The following MMP26 variants were observed in gnomAD, a reference collection of about 807,000 sequenced individuals.
MMP26 encodes the protein matrix metalloproteinase-26.
MMP26 carries 33 observed loss-of-function variants against 31.0 expected under a neutral mutation model. The ratio of observed to expected loss-of-function variants is 1.06; its 90% CI spans 0.81 to 1.42. MMP26 has a LOEUF of 1.42. Among genes scored for constraint, MMP26 ranks in the 40% most tolerant of loss-of-function variants. The probability of loss-of-function intolerance (pLI) is 0.00; values close to 1 mark genes in which losing one functional copy is unlikely to be tolerated. For missense variants in MMP26, 347 were observed against 316.1 expected, an observed-to-expected ratio of 1.10 and a Z score of -0.74; for synonymous variants, 122 against 114.9, an observed-to-expected ratio of 1.06 and a Z score of -0.40.
At chr11:4,857,596 C>T (rs192084875) in intron 2 of MMP26, among the ~76,000 whole-genome samples, 1 of 151,924 alleles carries the variant, frequency 6.6e-6, no homozygotes, top group Non-Finnish European at 1.5e-5. Context: ...GCCTACCAAC[C>T]AAAAAAAGTC....
At chr11:4,905,356 T>C (rs1850867499) in intron 2 of MMP26, among the ~76,000 whole-genome samples, 1 of 152,140 alleles carries the variant, frequency 6.6e-6, no homozygotes, top group Non-Finnish European at 1.5e-5. Flanking sequence ...TGCCAAAATG[T>C]CTCTTAGTAC....
rs191640865 is a variant in MMP26 at position 4,882,983 on chromosome 11, A to G, written c.-144-105085A>G. On this transcript the variant is annotated intron_variant, in intron 2 of 7. Coordinates refer to ENST00000380390, the MANE Select transcript of MMP26 (RefSeq NM_021801.5). ...TTGGTTGCTGAGTCAATTCCAATTG[A>G]ATTTTAGGAGTGGGAAGAAGACAGT... is the stretch of plus-strand genomic sequence containing the variant. 6.9e-6 allele frequency: 6 copies of G among 863,386 alleles called. No homozygotes were observed. In the Admixed American group the frequency reaches 1.6e-4, roughly 24 times the overall value. 53.5% of individuals were successfully genotyped at this position (863,386 alleles called of 1,614,324 possible).
chr11:4,981,314 A>T (rs1160775053), intron 2 of MMP26, among the ~76,000 whole-genome samples: 1 of 152,172 alleles, frequency 6.6e-6, no homozygotes, highest in Non-Finnish European at 1.5e-5. Flanking sequence ...TCATGAGAAC[A>T]TCGTAGAGTG....
chr11:4,947,296 C>A lies in MMP26; in HGVS notation c.-144-40772C>A. ...GTTGCTGCTTTGGACTATAATCTGT[C>A]GTATAATACATTGGAAAAATTATTT... On this transcript the variant is annotated intron_variant, in intron 2 of 7. Coordinates refer to ENST00000380390, the MANE Select transcript of MMP26 (RefSeq NM_021801.5). The A allele has an allele frequency of 7.6e-6, 3 of 395,926 alleles. 1 individual carries two copies. The highest frequency in any genetic ancestry group is 9.2e-6 in the Non-Finnish European group (2 of 218,390). 24.5% of individuals were successfully genotyped at this position (395,926 alleles called of 1,614,324 possible). A position where few individuals can be genotyped will look rare whatever the true frequency, so the allele number is the denominator to read the frequency against.
chr11:4,721,624 T>C (rs113627049), intron 1 of MMP26, among the ~76,000 whole-genome samples: 2,465 of 152,330 alleles, frequency 0.016, 79 homozygotes, highest in African/African-American at 0.056. Context: ...ACAGAGAATA[T>C]GGCATATCTA....
chr11:4,837,908 A>C (rs543820334), intron 2 of MMP26, among the ~76,000 whole-genome samples: 2 of 152,058 alleles, frequency 1.3e-5, no homozygotes, highest in Non-Finnish European at 2.9e-5. Context: ...TTAATTTTAC[A>C]TAAAGTAAAA....
At position 4,856,142 on chromosome 11, in the gene MMP26, G is replaced by A. The variant is rs543763644; in HGVS notation, c.-145+88801G>A. Among the ~76,000 whole-genome samples, 836 of 152,232 alleles carry A rather than the reference G, an allele frequency of 5.5e-3. 7 individuals are homozygous for A. The highest frequency in any genetic ancestry group is 0.019 in the African/African-American group (790 of 41,532). The stretch of plus-strand genomic sequence containing the variant: ...ATGCCAAATTGTAAAGACCATCGAT[G>A]CTAGGAAGAAACTGCATCAACTAAT... On this transcript the variant is annotated intron_variant, in intron 2 of 7. Transcript: ENST00000380390.
chr11:4,960,477 T>A (rs1022118200), intron 2 of MMP26, among the ~76,000 whole-genome samples: 2 of 147,756 alleles, frequency 1.4e-5, no homozygotes, highest in Non-Finnish European at 3.0e-5. Flanking sequence ...CTCTGTAACA[T>A]CATTCCCACC....
intron 2 of MMP26, among the ~76,000 whole-genome samples, chr11:4,815,021 A>T (rs958882184): frequency 2.0e-5 from 3 of 152,174 alleles, no homozygotes; most frequent in African/African-American, 4.8e-5. Flanking sequence ...AGTTTAAGAT[A>T]TACATTTTTT....
chr11:4,928,785 A>G (rs1324294190), intron 2 of MMP26, among the ~76,000 whole-genome samples: 4 of 152,184 alleles, frequency 2.6e-5, no homozygotes, highest in African/African-American at 9.7e-5. Context: ...CAGTGCACAC[A>G]CTTCTCGCTT....
rs563978367 is a variant in MMP26 at position 4,763,457 on chromosome 11, G to C, written c.-216-3813G>C. Among the ~76,000 whole-genome samples, 3 of 152,230 alleles carry C rather than the reference G, an allele frequency of 2.0e-5. No homozygotes were observed. In the South Asian group the frequency reaches 6.2e-4, roughly 32 times the overall value. ...ATTACTTTACACCTTTCATGATCAGGAATAATTTCACTCATCAAAACAGAG... is the reference window on the plus strand; with the variant it reads ...ATTACTTTACACCTTTCATGATCAGCAATAATTTCACTCATCAAAACAGAG... On this transcript the variant is annotated intron_variant, in intron 1 of 7. Transcript: ENST00000380390.
At chr11:4,825,501 T>A (rs1437439005) in intron 2 of MMP26, among the ~76,000 whole-genome samples, 2 of 152,160 alleles carry the variant, frequency 1.3e-5, no homozygotes, top group Non-Finnish European at 2.9e-5. Flanking sequence ...CCCTGCATTG[T>A]GAGTTGGATG....
intron 2 of MMP26, among the ~76,000 whole-genome samples, chr11:4,921,962 T>A (rs1342404619): frequency 2.0e-5 from 3 of 152,220 alleles, no homozygotes; most frequent in African/African-American, 7.2e-5. Flanking sequence ...TAATGTGTAT[T>A]GTACCCATTA....
rs1554895910 is a variant in MMP26, at chr11:4,990,633, C to T, written c.356C>T (p.Ala119Val). 2.5e-6 allele frequency: 4 copies of T among 1,613,406 alleles called. No individual in the cohort carries two copies. The South Asian group carries it at 4.4e-5, about 18-fold the overall frequency. ...TACCCACATGATATGAAGCCATCCG[C>T]AGTGAAAGACAGTATATATAATGCA... ...INYPHDMKPS[A>V]VKDSIYNAVS... The change falls in exon 5 of 8, where the codon GCA becomes GTA. Residue 119 changes from alanine to valine, a missense_variant. By Grantham distance (64) the Ala-to-Val change is moderately conservative. Coordinates refer to ENST00000380390, the MANE Select transcript of MMP26 (RefSeq NM_021801.5).
intron 2 of MMP26, among the ~76,000 whole-genome samples, chr11:4,901,733 G>A (rs7945056): frequency 0.033 from 4,976 of 152,010 alleles, 270 homozygotes; most frequent in African/African-American, 0.11. Flanking sequence ...CTACTTTTTT[G>A]TATGGGTGTT....
chr11:4,984,469 A>C (rs960420056), intron 2 of MMP26, among the ~76,000 whole-genome samples: 1 of 152,202 alleles, frequency 6.6e-6, no homozygotes, highest in African/African-American at 2.4e-5. Flanking sequence ...CGTATGTATC[A>C]ATAGTTTGTT....
Position 4,707,790 on chromosome 11 carries a change from C to T in MMP26, c.-217+2745C>T, listed in dbSNP as rs567057729. On this transcript the variant is annotated intron_variant, in intron 1 of 7. Coordinates refer to ENST00000380390, the MANE Select transcript of MMP26 (RefSeq NM_021801.5). ...TTTATCACTATTTTCAGAAGCAGTTCATTCATTCATTTAATAGATACTTTT... is the reference window on the plus strand; with the variant it reads ...TTTATCACTATTTTCAGAAGCAGTTTATTCATTCATTTAATAGATACTTTT... Among the ~76,000 whole-genome samples, 236 of 152,256 alleles carry T rather than the reference C, an allele frequency of 1.6e-3. 5 individuals carry two copies. In the South Asian group the frequency reaches 0.041, roughly 26 times the overall value.
chr11:4,926,893 T>C (rs939778421), intron 2 of MMP26, among the ~76,000 whole-genome samples: 3 of 152,196 alleles, frequency 2.0e-5, no homozygotes, highest in South Asian at 2.1e-4. Context: ...TGAATAAATG[T>C]ATGAGTGAAT....
At chr11:4,823,416 A>G (rs1849538115) in intron 2 of MMP26, among the ~76,000 whole-genome samples, 2 of 152,174 alleles carry the variant, frequency 1.3e-5, no homozygotes, top group African/African-American at 4.8e-5. Flanking sequence ...AACAACCAAG[A>G]GTACTACTCA....
Sources: allele counts gnomAD v4.1 joint callset (sites outside exome capture counted in the v4.1 genomes callset), GRCh38; gene constraint gnomAD v4.1.1; transcripts MANE v1.5; gene names NCBI Gene and HGNC (gene_info 2026-07-23, HGNC 2026-07-21).